The following NF2 variants were observed in gnomAD, a reference collection of about 807,000 sequenced individuals.
The protein encoded by NF2 is merlin.
Under a neutral mutation model 83.7 loss-of-function variants are expected in NF2, and 8 were observed. That is an observed-to-expected ratio of 0.10 (90% CI 0.06 to 0.17). The LOEUF is 0.17. NF2 is among the 10% of genes least tolerant of loss of function. The pLI, the probability that NF2 is intolerant of heterozygous loss-of-function variation, is 1.00. For missense variants in NF2, 533 were observed against 744.4 expected, an observed-to-expected ratio of 0.72 and a Z score of 3.31; for synonymous variants, 266 against 269.6, an observed-to-expected ratio of 0.99 and a Z score of 0.13.
chr22:29,639,096 G>C lies in NF2; in HGVS notation c.247G>C (p.Asp83His), dbSNP rs2146869670. The C allele has an allele frequency of 6.2e-7, 1 of 1,614,176 alleles. No individual in the cohort carries two copies. Among genetic ancestry groups the C allele is most frequent in the South Asian group, 1.1e-5 (1 of 91,088 alleles). Reference sequence around the variant, plus strand: ...TTGCTCTGCAATTCTGCAGGTACTGGATCATGATGTTTCAAAGGAAGAACC... The same window carrying C: ...TTGCTCTGCAATTCTGCAGGTACTGCATCATGATGTTTCAAAGGAAGAACC... ...AWLKMDKKVL[D>H]HDVSKEEPVT... Residue 83 changes from aspartate (D) to histidine (H), a missense_variant, in exon 3 of 16, where the codon GAT becomes CAT. Asp to His is a moderately conservative substitution (Grantham distance 81). Around this residue, in one of 3 missense-constraint regions of NF2, gnomAD observed 326 missense variants for 475.1 expected, o/e 0.69. Transcript: ENST00000338641.
At chr22:29,610,054 A>C (rs187503914) in intron 1 of NF2, among the ~76,000 whole-genome samples, 16 of 151,984 alleles carry the variant, frequency 1.1e-4, no homozygotes, top group South Asian at 8.3e-4. Context: ...AGAGAGAGAG[A>C]GACCTGGGCA....
At chr22:29,642,919 G>C (rs569502413) in intron 4 of NF2, among the ~76,000 whole-genome samples, 1 of 151,778 alleles carries the variant, frequency 6.6e-6, no homozygotes, top group South Asian at 2.1e-4. Flanking sequence ...GAGCTGTCTG[G>C]TTAGCTGAAA....
chr22:29,683,495 C>T, intron 15 of NF2: 17 of 1,157,094 alleles, frequency 1.5e-5, no homozygotes, highest in Non-Finnish European at 1.8e-5. Context: ...CGTTGACAGC[C>T]TCTCAAGACC....
chr22:29,616,069 C>T lies in NF2; in HGVS notation c.114+11957C>T, dbSNP rs540078182. On this transcript the variant is annotated intron_variant, in intron 1 of 15. Coordinates refer to ENST00000338641, the MANE Select transcript of NF2 (RefSeq NM_000268.4). ...ACTATGCTATGTGAAAGAAACCAGC[C>T]GCAAAAGAACACATATGATTCCATT... is the stretch of plus-strand genomic sequence containing the variant. 5.3e-5 allele frequency among the ~76,000 whole-genome samples: 8 copies of T among 152,114 alleles called. No individual in the cohort carries two copies. The South Asian group carries it at 1.2e-3, about 24-fold the overall frequency.
chr22:29,620,793 CA>C (rs2065199755), intron 1 of NF2, among the ~76,000 whole-genome samples: 1 of 151,998 alleles, frequency 6.6e-6, no homozygotes, highest in South Asian at 2.1e-4. Flanking sequence ...CTCCTGTGCT[CA>C]AGGGATCCTC....
At chr22:29,675,353 T>G (rs2066929093) in intron 13 of NF2, among the ~76,000 whole-genome samples, 1 of 152,176 alleles carries the variant, frequency 6.6e-6, no homozygotes, top group Non-Finnish European at 1.5e-5. Flanking sequence ...CAGAGTGAAT[T>G]ACTGCCGTGC....
At position 29,697,260 on chromosome 22, in the gene NF2, G is replaced by T. The variant is rs1601693558; in HGVS notation, c.*2458G>T. 1 of 204,376 alleles carries T rather than the reference G, an allele frequency of 4.9e-6. No homozygotes were observed. The highest frequency in any genetic ancestry group is 1.0e-5 in the Non-Finnish European group (1 of 99,410). The allele number at this position is 204,376 out of a possible 1,614,324, so 12.7% of individuals were successfully genotyped here. A position where few individuals can be genotyped will look rare whatever the true frequency, so the allele number is the denominator to read the frequency against. The stretch of plus-strand genomic sequence containing the variant: ...CTGTCGGGCTTTGTTTCCTTCTTTA[G>T]CTGCCGTGTCTACTTCTGAAGTCTG... On this transcript the variant is annotated 3_prime_UTR_variant, in exon 16 of 16. Transcript: ENST00000338641.
At chr22:29,679,557 G>A (rs2067066880) in intron 14 of NF2, among the ~76,000 whole-genome samples, 1 of 152,144 alleles carries the variant, frequency 6.6e-6, no homozygotes, top group South Asian at 2.1e-4. Flanking sequence ...AGGCTGGGTA[G>A]CTTATAAACA....
intron 10 of NF2, among the ~76,000 whole-genome samples, chr22:29,668,670 A>G (rs1435924986): frequency 6.6e-6 from 1 of 152,240 alleles, no homozygotes; most frequent in Non-Finnish European, 1.5e-5. Context: ...ATCTCTAGTA[A>G]TTTCTACGCT....
At chr22:29,647,551 G>A (rs1166508689) in intron 4 of NF2, among the ~76,000 whole-genome samples, 1 of 152,162 alleles carries the variant, frequency 6.6e-6, no homozygotes, top group Non-Finnish European at 1.5e-5. Context: ...TAGTTGCCCT[G>A]GTGAGAGAAT....
intron 1 of NF2, among the ~76,000 whole-genome samples, chr22:29,607,212 C>G (rs976092585): frequency 1.3e-5 from 2 of 152,104 alleles, no homozygotes; most frequent in African/African-American, 4.8e-5. Context: ...AGGTATGTGG[C>G]AGAGGTGGAA....
At chr22:29,691,408 A>G (rs948033814) in intron 15 of NF2, among the ~76,000 whole-genome samples, 16 of 152,198 alleles carry the variant, frequency 1.1e-4, no homozygotes, top group African/African-American at 3.6e-4. Flanking sequence ...TGGGCAGTGT[A>G]GAGGGACCCA....
chr22:29,612,035 T>C (rs2064965145), intron 1 of NF2, among the ~76,000 whole-genome samples: 1 of 152,110 alleles, frequency 6.6e-6, no homozygotes, highest in Admixed American at 6.6e-5. Flanking sequence ...TGAAACGGAG[T>C]CTCACTCTGT....
intron 1 of NF2, among the ~76,000 whole-genome samples, chr22:29,628,971 G>A (rs2065441177): frequency 6.6e-6 from 1 of 152,102 alleles, no homozygotes; most frequent in Non-Finnish European, 1.5e-5. Flanking sequence ...AATGAAGGAT[G>A]TGGGGTTCAG....
At chr22:29,640,915 C>T (rs763298522) in intron 3 of NF2, among the ~76,000 whole-genome samples, 1 of 152,070 alleles carries the variant, frequency 6.6e-6, no homozygotes, top group African/African-American at 2.4e-5. Context: ...GGGTGGATCA[C>T]CTGAGGTCAG....
rs180842965 is a variant in NF2, at chr22:29,613,044, A to C, written c.114+8932A>C. 5.6e-4 allele frequency among the ~76,000 whole-genome samples: 85 copies of C among 152,150 alleles called. No homozygotes were observed. The East Asian group carries it at 0.016, about 28-fold the overall frequency. On this transcript the variant is annotated intron_variant, in intron 1 of 15. Coordinates refer to ENST00000338641, the MANE Select transcript of NF2 (RefSeq NM_000268.4). ...GGGAGGCGGAGCTTGCGGTGAGCTG[A>C]GATCACGCGCCACTGCACTCCAGCT...
At position 29,658,199 on chromosome 22, in the gene NF2, G is replaced by C. The variant is rs1569295916; in HGVS notation, c.610G>C (p.Glu204Gln). ...EHRGRARDEA[E>Q]MEYLKIAQDL... ...CCGTTCTCCCCACAGGGATGAAGCT[G>C]AAATGGAATATCTGAAGATAGCTCA... is the stretch of plus-strand genomic sequence containing the variant. Residue 204 changes from glutamate to glutamine, a missense_variant, in exon 7 of 16, where the codon GAA becomes CAA. Glu to Gln is a conservative substitution (Grantham distance 29). Transcript: ENST00000338641. 5.6e-6 allele frequency: 9 copies of C among 1,614,144 alleles called. No homozygotes were observed. In the East Asian group the frequency reaches 2.0e-4, roughly 36 times the overall value.
At chr22:29,648,186 T>C (rs1007516521) in intron 4 of NF2, among the ~76,000 whole-genome samples, 1 of 150,618 alleles carries the variant, frequency 6.6e-6, no homozygotes, top group Non-Finnish European at 1.5e-5. Flanking sequence ...TTAAAAAAGG[T>C]AGGTGTCTAG....
At position 29,639,093 on chromosome 22, in the gene NF2, C is replaced by G. The variant is rs1940820685; in HGVS notation, c.244C>G (p.Leu82Val). The change falls in exon 3 of 16, where the codon CTG (leucine) becomes GTG (valine). Residue 82 changes from leucine to valine, a missense_variant. This residue lies in a region of NF2 where 326 missense variants were observed against 475.1 expected (regional missense o/e 0.69). Coordinates refer to ENST00000338641, the MANE Select transcript of NF2 (RefSeq NM_000268.4). ...VAWLKMDKKVLDHDVSKEEPV... is the reference protein window; with the variant it reads ...VAWLKMDKKVVDHDVSKEEPV... ...CTTTTGCTCTGCAATTCTGCAGGTA[C>G]TGGATCATGATGTTTCAAAGGAAGA... 6.2e-7 allele frequency: 1 copy of G among 1,614,190 alleles called. No homozygotes were observed.
Sources: allele counts gnomAD v4.1 joint callset (sites outside exome capture counted in the v4.1 genomes callset), GRCh38; gene constraint gnomAD v4.1.1; regional missense constraint gnomAD v4.1.1; transcripts MANE v1.5; gene names NCBI Gene and HGNC (gene_info 2026-07-23, HGNC 2026-07-21).